The following FLYWCH1 variants were observed in gnomAD, a reference collection of about 807,000 sequenced individuals.
FLYWCH1 encodes FLYWCH-type zinc finger 1.
A neutral mutation model predicts 66.4 loss-of-function variants in FLYWCH1; 75 were observed. That is an observed-to-expected ratio of 1.13 (90% CI 0.94 to 1.37). The LOEUF is 1.37. FLYWCH1 is among the 40% of genes most tolerant of loss of function. The probability of loss-of-function intolerance (pLI) is 0.00; values close to 1 mark genes in which losing one functional copy is unlikely to be tolerated. For missense variants in FLYWCH1, 1,334 were observed against 1,001.8 expected, an observed-to-expected ratio of 1.33 and a Z score of -4.48; for synonymous variants, 595 against 429.9, an observed-to-expected ratio of 1.38 and a Z score of -4.75.
chr16:2,933,290 G>A lies in FLYWCH1; in HGVS notation c.957G>A (p.Gln319=), dbSNP rs370240422. 40 of 1,612,260 alleles carry A rather than the reference G, an allele frequency of 2.5e-5. No homozygotes were observed. In the African/African-American group the frequency reaches 4.1e-4, roughly 17 times the overall value. The change falls in exon 5 of 10, where the codon CAG becomes CAA. Residue 319 remains glutamine (Q), a synonymous_variant. Transcript: ENST00000253928. ...LHGCRSRAIT[Q]GQRVTVMRGH... ...GCTGCCGGAGCCGGGCCATCACCCA[G>A]GGACAGCGGGTGACTGTGATGCGTG...
intron 8 of FLYWCH1, 105 bp downstream of exon 8, chr16:2,938,561 T>G (rs1596390095): frequency 9.5e-6 from 10 of 1,057,118 alleles, no homozygotes; most frequent in Middle Eastern, 2.9e-4. Flanking sequence ...ACTGCTTTTG[T>G]GCACACACAA....
chr16:2,915,889 C>T (rs2070152618), intron 2 of FLYWCH1, among the ~76,000 whole-genome samples: 2 of 151,894 alleles, frequency 1.3e-5, no homozygotes, highest in South Asian at 2.1e-4. Context: ...GGAGGCAAAA[C>T]TGGCCTCTTC....
In FLYWCH1 at chr16:2,937,287, G is replaced by A. The variant is rs1596386814; in HGVS notation, c.1680G>A (p.Met560Ile). ...SRAITQGRRV[M>I]VMRRHCHPPD... ...CCATCACCCAGGGCCGGCGGGTCAT[G>A]GTCATGCGCAGGCACTGCCACCCAC... Residue 560 changes from methionine to isoleucine, a missense_variant, in exon 7 of 10, where the codon ATG (methionine) becomes ATA (isoleucine). Transcript: ENST00000253928. 4 of 1,604,610 alleles carry A rather than the reference G, an allele frequency of 2.5e-6. No individual in the cohort carries two copies. Among genetic ancestry groups the A allele is most frequent in the Non-Finnish European group, 3.4e-6 (4 of 1,176,706 alleles).
chr16:2,937,054 C>G, intron 6 of FLYWCH1, 67 bp from the exon 7 acceptor site: 1 of 1,476,938 alleles, frequency 6.8e-7, no homozygotes, highest in African/African-American at 1.4e-5. Context: ...GGTCTCATCT[C>G]GGGGCCATGC....
chr16:2,926,549 A>C (rs1567327592), intron 2 of FLYWCH1, among the ~76,000 whole-genome samples: 1 of 152,214 alleles, frequency 6.6e-6, no homozygotes, highest in Non-Finnish European at 1.5e-5. Flanking sequence ...TATTTGCCTC[A>C]GGGCCTGGGA....
rs1424691981 is a variant in FLYWCH1, at chr16:2,936,205, G to A, written c.1514-916G>A. On this transcript the variant is annotated intron_variant, in intron 6 of 9. Transcript: ENST00000253928. The stretch of plus-strand genomic sequence containing the variant: ...GGATTACAGGCGTGAGCCACCGTGC[G>A]CAGCCCCTTGCTGGATATTTTCATC... 13 of 348,558 alleles carry A rather than the reference G, an allele frequency of 3.7e-5. No individual in the cohort carries two copies. The East Asian group carries it at 6.2e-4, about 17-fold the overall frequency. The allele number at this position is 348,558 out of a possible 1,614,324, so 21.6% of individuals were successfully genotyped here.
intron 3 of FLYWCH1, 37 bp from the exon 4 acceptor site, chr16:2,930,373 C>T (rs1320404592): frequency 1.4e-5 from 19 of 1,317,818 alleles, no homozygotes; most frequent in Non-Finnish European, 1.9e-5. Flanking sequence ...CTGAGCTTTG[C>T]TCTAGCTTAG....
chr16:2,919,802 A>G (rs187585420), intron 2 of FLYWCH1, among the ~76,000 whole-genome samples: 28 of 152,240 alleles, frequency 1.8e-4, no homozygotes, highest in Admixed American at 1.8e-3. Context: ...CACCCGTGTA[A>G]TTTTACCAAG....
In FLYWCH1 at chr16:2,929,978, T is replaced by C. The variant is rs906678284; in HGVS notation, c.293T>C (p.Met98Thr). The change falls in exon 3 of 10, where the codon ATG (methionine) becomes ACG (threonine). Residue 98 changes from methionine (M) to threonine (T), a missense_variant. Transcript: ENST00000253928. The stretch of plus-strand genomic sequence containing the variant: ...GGGGTGGTCCAGCCAGCCCTAGAGA[T>C]GCCTGAACAGAAGTGCAGCAAGCTG... ...QGGVVQPALE[M>T]PEQKCSKLDA... The C allele has an allele frequency of 5.6e-6, 9 of 1,609,220 alleles. No individual in the cohort carries two copies. The highest frequency in any genetic ancestry group is 7.6e-6 in the Non-Finnish European group (9 of 1,176,600).
chr16:2,944,461 T>C (rs1009317420), intron 9 of FLYWCH1, among the ~76,000 whole-genome samples: 2 of 151,568 alleles, frequency 1.3e-5, no homozygotes, highest in African/African-American at 4.8e-5. Context: ...TGATAATAAA[T>C]ATGTTATTAG....
rs1041468070 is a variant in FLYWCH1, at chr16:2,950,398, G to C, written c.*1671G>C. 2 of 152,546 alleles carry C rather than the reference G, an allele frequency of 1.3e-5. No homozygotes were observed. The highest frequency in any genetic ancestry group is 1.3e-4 in the Admixed American group (2 of 15,304). 9.4% of individuals were successfully genotyped at this position (152,546 alleles called of 1,614,324 possible). ...ACAGGAGGCAGCCATGCCCGAGGAA[G>C]GTACTTGCTGAAAGATGGTCCAGTT... On this transcript the variant is annotated 3_prime_UTR_variant, in exon 10 of 10. Coordinates refer to ENST00000253928, the MANE Select transcript of FLYWCH1 (RefSeq NM_001308068.2).
chr16:2,931,728 C>CG (rs1052810445), intron 4 of FLYWCH1, among the ~76,000 whole-genome samples: 1 of 151,168 alleles, frequency 6.6e-6, no homozygotes, highest in Non-Finnish European at 1.5e-5. Flanking sequence ...TCAGCACTTT[C>CG]GGAGGCTGAG....
At chr16:2,945,921 CG>C (rs1242658459) in intron 9 of FLYWCH1, among the ~76,000 whole-genome samples, 1 of 151,426 alleles carries the variant, frequency 6.6e-6, no homozygotes, top group Non-Finnish European at 1.5e-5. Context: ...GGCGTGAACC[CG>C]GGAGGCAGAG....
chr16:2,944,625 C>G (rs1426365717), intron 9 of FLYWCH1, among the ~76,000 whole-genome samples: 1 of 151,856 alleles, frequency 6.6e-6, no homozygotes, highest in Admixed American at 6.6e-5. Context: ...GAGTTCCAGA[C>G]CAGCTTGGGA....
chr16:2,931,846 G>A (rs2070771547), intron 4 of FLYWCH1, among the ~76,000 whole-genome samples: 1 of 151,064 alleles, frequency 6.6e-6, no homozygotes, highest in African/African-American at 2.4e-5. Context: ...GGGCGCTTTG[G>A]CTCACGCCTG....
At chr16:2,916,526 A>G (rs2070173494) in intron 2 of FLYWCH1, among the ~76,000 whole-genome samples, 1 of 151,154 alleles carries the variant, frequency 6.6e-6, no homozygotes, top group South Asian at 2.1e-4. Context: ...AGTCTCAGCT[A>G]CTCTGGAGGC....
chr16:2,932,914 C>A (rs189703978), intron 4 of FLYWCH1, among the ~76,000 whole-genome samples: 2 of 151,148 alleles, frequency 1.3e-5, no homozygotes, highest in African/African-American at 2.4e-5. Flanking sequence ...CCTCACTGAC[C>A]GCTAGGAGAG....
intron 9 of FLYWCH1, among the ~76,000 whole-genome samples, chr16:2,945,984 G>C (rs59409699): frequency 6.6e-6 from 1 of 151,894 alleles, no homozygotes; most frequent in African/African-American, 2.4e-5. Flanking sequence ...GCAACAGAGC[G>C]AGACTCCATG....
In FLYWCH1 at chr16:2,930,585, A is replaced by C; in HGVS notation, c.501A>C (p.Thr167=). 2 of 1,555,778 alleles carry C rather than the reference A, an allele frequency of 1.3e-6. No individual in the cohort carries two copies. The highest frequency in any genetic ancestry group is 2.4e-5 in the South Asian group (2 of 84,486). ...CCATCACCCGAGGCCTGCGGGCCAC[A>C]GTGATGCGGGGCCACTGCCACGCGC... is the stretch of plus-strand genomic sequence containing the variant. ...GRAITRGLRA[T]VMRGHCHAPD... Residue 167 remains threonine, a synonymous_variant, in exon 4 of 10, where the codon ACA becomes ACC. Transcript: ENST00000253928.
Sources: gnomAD v4.1 joint callset for allele counts (sites outside exome capture counted in the v4.1 genomes callset) on GRCh38, gnomAD v4.1.1 for gene constraint, MANE v1.5 for transcripts, NCBI Gene and HGNC (gene_info 2026-07-23, HGNC 2026-07-21) for gene names.